Variants in PTCHD4 observed in about 807,000 individuals in gnomAD.
PTCHD4 encodes patched domain-containing protein 4.
Under a neutral mutation model 58.1 loss-of-function variants are expected in PTCHD4, and 33 were observed. That is an observed-to-expected ratio of 0.57 (90% confidence interval 0.43 to 0.76). The LOEUF is 0.76. Among genes scored for constraint, PTCHD4 ranks in the 30% least tolerant of loss-of-function variants. The pLI, the probability that PTCHD4 is intolerant of heterozygous loss-of-function variation, is 0.00. For synonymous variants in PTCHD4, 478 were observed against 409.6 expected (o/e 1.17, Z -2.02); for missense variants, 1,058 against 1,027.1 (o/e 1.03, Z -0.41).
In PTCHD4 at chr6:47,862,692, T is replaced by C. The variant is rs758710798; in HGVS notation, c.*15611A>G. Among the ~76,000 whole-genome samples the C allele has an allele frequency of 4.6e-5, 7 of 151,840 alleles. No homozygotes were observed. The highest frequency in any genetic ancestry group is 1.0e-4 in the Non-Finnish European group (7 of 67,844). ...TTCCTTAAGTATTCTTTTCTTCTAT[T>C]AGGTTATAAATTACTCAAATAGCTA... is the stretch of plus-strand genomic sequence containing the variant. On this transcript the variant is annotated 3_prime_UTR_variant, in exon 5 of 5. Transcript: ENST00000339488.
At chr6:47,970,485 G>A (rs960960660) in intron 4 of PTCHD4, among the ~76,000 whole-genome samples, 3 of 152,140 alleles carry the variant, frequency 2.0e-5, no homozygotes, top group Admixed American at 2.0e-4. Context: ...GTAAGGGTGT[G>A]AGGCTTGCCT....
chr6:48,026,491 C>T (rs1180076034), intron 3 of PTCHD4, among the ~76,000 whole-genome samples: 1 of 152,060 alleles, frequency 6.6e-6, no homozygotes, highest in Non-Finnish European at 1.5e-5. Flanking sequence ...ATCAACTTCT[C>T]TCCTCACCCT....
chr6:47,951,425 G>T (rs933060337), intron 4 of PTCHD4, among the ~76,000 whole-genome samples: 1 of 152,180 alleles, frequency 6.6e-6, no homozygotes, highest in African/African-American at 2.4e-5. Flanking sequence ...TGTGTGACTA[G>T]TGCTGGGCAC....
intron 1 of PTCHD4, among the ~76,000 whole-genome samples, chr6:48,101,627 A>G (rs530098051): frequency 1.3e-5 from 2 of 152,280 alleles, no homozygotes; most frequent in South Asian, 4.2e-4. Context: ...TAGCCTCACG[A>G]TTTATTATAA....
In PTCHD4 at chr6:47,879,218, A is replaced by G. The variant is rs758781693; in HGVS notation, c.1617T>C (p.Cys539=). ...CCCAGGACACTGCAGTGAATCCACT[A>G]CAGAGTCTTCTTAGGTCATCCTGGA... is the stretch of plus-strand genomic sequence containing the variant. ...SSVQDDLRRL[C]SGFTAVSWVE... Residue 539 remains cysteine (C), a synonymous_variant, in exon 5 of 5, where the codon TGT becomes TGC. Transcript: ENST00000339488. The G allele has an allele frequency of 9.9e-6, 16 of 1,612,832 alleles. No homozygotes were observed. Among genetic ancestry groups the G allele is most frequent in the East Asian group, 8.9e-5 (4 of 44,844 alleles).
At chr6:47,891,445 A>G (rs2114126048) in intron 4 of PTCHD4, among the ~76,000 whole-genome samples, 1 of 152,070 alleles carries the variant, frequency 6.6e-6, no homozygotes, top group African/African-American at 2.4e-5. Flanking sequence ...ATCAGAACCA[A>G]ATCTGAAAAA....
intron 4 of PTCHD4, among the ~76,000 whole-genome samples, chr6:47,972,010 G>T (rs1337748995): frequency 6.6e-6 from 1 of 152,142 alleles, no homozygotes; most frequent in African/African-American, 2.4e-5. Flanking sequence ...AGCTGAGTAG[G>T]AAAGAAATGT....
intron 4 of PTCHD4, among the ~76,000 whole-genome samples, chr6:47,933,391 G>A (rs931614668): frequency 2.0e-5 from 3 of 152,226 alleles, no homozygotes; most frequent in African/African-American, 7.2e-5. Context: ...CTGTGTCCAC[G>A]AAGATGCAGG....
chr6:47,924,996 C>CT (rs1288922889), intron 4 of PTCHD4, among the ~76,000 whole-genome samples: 1 of 148,612 alleles, frequency 6.7e-6, no homozygotes, highest in African/African-American at 2.5e-5. Flanking sequence ...TATGTATATG[C>CT]TTTTAATATA....
chr6:47,890,718 G>C (rs912694963), intron 4 of PTCHD4, among the ~76,000 whole-genome samples: 3 of 152,112 alleles, frequency 2.0e-5, no homozygotes, highest in African/African-American at 7.2e-5. Context: ...CTTTGTAAGG[G>C]GGGGGATTCC....
At chr6:48,005,893 T>C (rs1251483907) in intron 4 of PTCHD4, among the ~76,000 whole-genome samples, 1 of 152,206 alleles carries the variant, frequency 6.6e-6, no homozygotes, top group Non-Finnish European at 1.5e-5. Flanking sequence ...CTGCCCAATA[T>C]AACACACAGA....
chr6:47,952,824 AATGATGC>A (rs1304962241), intron 4 of PTCHD4, among the ~76,000 whole-genome samples: 2 of 152,066 alleles, frequency 1.3e-5, no homozygotes, highest in Admixed American at 1.3e-4. Context: ...AAAATCATCT[AATGATGC>A]ATTTCTCAGA....
At chr6:47,894,865 C>T (rs1339889448) in intron 4 of PTCHD4, among the ~76,000 whole-genome samples, 1 of 152,188 alleles carries the variant, frequency 6.6e-6, no homozygotes, top group African/African-American at 2.4e-5. Context: ...GGTGTGGTAG[C>T]TCATGCTTGT....
intron 1 of PTCHD4, among the ~76,000 whole-genome samples, chr6:48,073,804 C>T (rs1188277627): frequency 2.0e-5 from 3 of 152,260 alleles, no homozygotes; most frequent in East Asian, 3.9e-4. Context: ...TGAGAAACAT[C>T]ACTTTTTCAT....
chr6:47,988,559 T>C (rs1316861457), intron 4 of PTCHD4, among the ~76,000 whole-genome samples: 2 of 152,158 alleles, frequency 1.3e-5, no homozygotes, highest in Admixed American at 6.5e-5. Context: ...TTCCCATGTA[T>C]TGTGGGAAGG....
chr6:47,923,637 A>T (rs1032024441), intron 4 of PTCHD4, among the ~76,000 whole-genome samples: 1 of 152,216 alleles, frequency 6.6e-6, no homozygotes, highest in African/African-American at 2.4e-5. Context: ...AAATGCAAAG[A>T]GCATGGATGA....
intron 3 of PTCHD4, among the ~76,000 whole-genome samples, chr6:48,012,771 T>A (rs999897522): frequency 1.3e-5 from 2 of 152,194 alleles, no homozygotes; most frequent in African/African-American, 2.4e-5. Context: ...TTTCAAAAGT[T>A]TTTAGCATGA....
chr6:48,043,664 T>C (rs1371736902), intron 3 of PTCHD4, among the ~76,000 whole-genome samples: 1 of 151,920 alleles, frequency 6.6e-6, no homozygotes, highest in East Asian at 1.9e-4. Context: ...TGCTTGCTGT[T>C]CTGACTATGT....
At chr6:47,925,376 A>C (rs1765574797) in intron 4 of PTCHD4, among the ~76,000 whole-genome samples, 1 of 152,168 alleles carries the variant, frequency 6.6e-6, no homozygotes, top group South Asian at 2.1e-4. Flanking sequence ...CATGTTTATG[A>C]ATATATGGCA....
Sources: allele counts gnomAD v4.1 joint callset (sites outside exome capture counted in the v4.1 genomes callset), GRCh38; gene constraint gnomAD v4.1.1; transcripts MANE v1.5; gene names NCBI Gene and HGNC (gene_info 2026-07-23, HGNC 2026-07-21).